Variants in SLC16A12 observed in about 807,000 individuals in gnomAD.
The protein encoded by SLC16A12 is solute carrier family 16 member 12, also known as monocarboxylate transporter 12.
SLC16A12 carries 17 observed loss-of-function variants against 42.4 expected under a neutral mutation model. The observed-to-expected ratio is 0.40, with a 90% CI of 0.27 to 0.60. SLC16A12 has a LOEUF of 0.60. Ranked by LOEUF, SLC16A12 falls within the 20% of genes least tolerant of loss-of-function variation. The pLI is 0.42. For synonymous variants in SLC16A12, 224 were observed against 229.4 expected, an observed-to-expected ratio of 0.98 and a Z score of 0.21; for missense variants, 544 against 623.0, an observed-to-expected ratio of 0.87 and a Z score of 1.35.
intron 2 of SLC16A12, among the ~76,000 whole-genome samples, chr10:89,513,325 T>C (rs1167182566): frequency 6.6e-6 from 1 of 152,222 alleles, no homozygotes; most frequent in Non-Finnish European, 1.5e-5. Flanking sequence ...GTAACTGACT[T>C]CACCAATCCC....
intron 2 of SLC16A12, among the ~76,000 whole-genome samples, chr10:89,551,902 T>C (rs902058217): frequency 6.6e-6 from 1 of 152,158 alleles, no homozygotes; most frequent in Non-Finnish European, 1.5e-5. Context: ...GCTAAAAGGT[T>C]GTTTTGCCCT....
In SLC16A12 at chr10:89,436,301, C is replaced by G; in HGVS notation, c.1047G>C (p.Gln349His). ...LTDRRCLKNY[Q>H]YVCYLFAVGM... ...CCACGGCAAAGAGGTAGCAAACATACTGGTAATTCTTCAGACACCTGTAGA... is the reference window on the plus strand; with the variant it reads ...CCACGGCAAAGAGGTAGCAAACATAGTGGTAATTCTTCAGACACCTGTAGA... The change falls in exon 7 of 8, where the codon CAG becomes CAC. Residue 349 changes from glutamine (Q) to histidine (H), a missense_variant. Coordinates refer to ENST00000371790, the MANE Select transcript of SLC16A12 (RefSeq NM_213606.4). The G allele has an allele frequency of 6.2e-7, 1 of 1,614,092 alleles. No homozygotes were observed. Among genetic ancestry groups the G allele is most frequent in the Non-Finnish European group, 8.5e-7 (1 of 1,179,978 alleles).
At chr10:89,435,940 C>G (rs1255642278) in intron 7 of SLC16A12, 120 bp downstream of exon 7, 68 of 1,431,302 alleles carry the variant, frequency 4.8e-5, no homozygotes, top group Non-Finnish European at 6.2e-5. Context: ...TATCCCTTTT[C>G]TCTTTCACTC....
chr10:89,498,411 A>T (rs890570205), intron 2 of SLC16A12, among the ~76,000 whole-genome samples: 4 of 152,250 alleles, frequency 2.6e-5, no homozygotes, highest in African/African-American at 9.6e-5. Flanking sequence ...CTGTTTATGT[A>T]CAATTGGCTG....
At chr10:89,436,037 G>A (rs1475624605) in intron 7 of SLC16A12, 23 bp downstream of exon 7, 2 of 1,613,128 alleles carry the variant, frequency 1.2e-6, no homozygotes, top group Non-Finnish European at 1.7e-6. Flanking sequence ...AAAGGTGGTT[G>A]GGGTTTCTCT....
intron 3 of SLC16A12, among the ~76,000 whole-genome samples, chr10:89,454,620 AT>A (rs200032464): frequency 6.8e-5 from 10 of 146,434 alleles, no homozygotes; most frequent in Middle Eastern, 3.6e-3. Flanking sequence ...ATCACCCATG[AT>A]TTTTTTTTTA....
rs529102919 is a variant in SLC16A12, at chr10:89,545,309, G to T, written c.-47+10573C>A. On this transcript the variant is annotated intron_variant, in intron 2 of 2. Coordinates refer to the SLC16A12 transcript ENST00000475682. ...TTGTCATGCAGCATTATTTAATCAA[G>T]AAATAACTAATATAAATTCACACAA... 1.8e-4 allele frequency among the ~76,000 whole-genome samples: 27 copies of T among 152,240 alleles called. 1 individual carries two copies. In the South Asian group the frequency reaches 4.6e-3, roughly 26 times the overall value.
chr10:89,445,828 G>A (rs1238786302), intron 3 of SLC16A12, among the ~76,000 whole-genome samples: 2 of 152,038 alleles, frequency 1.3e-5, no homozygotes, highest in African/African-American at 4.8e-5. Context: ...GAGGATGTTC[G>A]AACCCATCAC....
chr10:89,438,531 G>GT, intron 6 of SLC16A12, 73 bp downstream of exon 6: 2 of 1,327,778 alleles, frequency 1.5e-6, no homozygotes, highest in Non-Finnish European at 2.1e-6. Flanking sequence ...ACTCCACAGG[G>GT]TAAGGGGCTG....
chr10:89,538,510 T>A (rs952171114), upstream of SLC16A12, among the ~76,000 whole-genome samples: 1 of 152,208 alleles, frequency 6.6e-6, no homozygotes, highest in Non-Finnish European at 1.5e-5. Flanking sequence ...AAACGTTTTC[T>A]TCATCACAGA....
chr10:89,551,548 C>T (rs766727488), intron 2 of SLC16A12, among the ~76,000 whole-genome samples: 2 of 152,230 alleles, frequency 1.3e-5, no homozygotes, highest in Non-Finnish European at 2.9e-5. Flanking sequence ...TATAGTTTGG[C>T]TCTGTGTCCC....
chr10:89,530,917 C>A (rs972916511), intron 2 of SLC16A12, among the ~76,000 whole-genome samples: 1 of 152,122 alleles, frequency 6.6e-6, no homozygotes, highest in Non-Finnish European at 1.5e-5. Context: ...ATAAATCATA[C>A]AACATGTGGT....
intron 2 of SLC16A12, among the ~76,000 whole-genome samples, chr10:89,497,727 A>C (rs1345190447): frequency 3.1e-5 from 4 of 127,884 alleles, no homozygotes; most frequent in Non-Finnish European, 6.8e-5. Flanking sequence ...ATAGGGGTAG[A>C]GATCAGAAAG....
intron 2 of SLC16A12, among the ~76,000 whole-genome samples, chr10:89,486,029 A>C (rs1238509380): frequency 6.6e-6 from 1 of 152,240 alleles, no homozygotes; most frequent in Non-Finnish European, 1.5e-5. Context: ...GATTAGGTAC[A>C]TTCAACAAGC....
chr10:89,530,581 C>G (rs1013380688), intron 2 of SLC16A12, among the ~76,000 whole-genome samples: 20 of 152,056 alleles, frequency 1.3e-4, no homozygotes, highest in Non-Finnish European at 2.5e-4. Context: ...CCACGCCCGG[C>G]TAATTTTTTG....
chr10:89,470,826 A>T (rs1000296273), intron 2 of SLC16A12, among the ~76,000 whole-genome samples: 5 of 152,190 alleles, frequency 3.3e-5, no homozygotes, highest in African/African-American at 1.2e-4. Context: ...ATGCCCAGTA[A>T]CCAATACTAG....
intron 2 of SLC16A12, among the ~76,000 whole-genome samples, chr10:89,504,314 GA>G (rs1843028536): frequency 6.6e-6 from 1 of 152,186 alleles, no homozygotes; most frequent in Non-Finnish European, 1.5e-5. Context: ...TAACTAGTTG[GA>G]AAGAGGCTCT....
intron 2 of SLC16A12, among the ~76,000 whole-genome samples, chr10:89,498,369 T>G (rs138662687): frequency 4.9e-4 from 74 of 152,274 alleles, no homozygotes; most frequent in African/African-American, 1.4e-3. Flanking sequence ...CTAGTGCAAT[T>G]GATTGAGATT....
At chr10:89,464,278 C>A (rs191084073) in intron 2 of SLC16A12, among the ~76,000 whole-genome samples, 1 of 152,210 alleles carries the variant, frequency 6.6e-6, no homozygotes, top group African/African-American at 2.4e-5. Context: ...GTCTCACTGA[C>A]ACCCTGACTG....
Sources: gnomAD v4.1 joint callset for allele counts (sites outside exome capture counted in the v4.1 genomes callset) on GRCh38, gnomAD v4.1.1 for gene constraint, MANE v1.5 for transcripts, NCBI Gene and HGNC (gene_info 2026-07-23, HGNC 2026-07-21) for gene names.